TMPRSS11F: variants seen among roughly 807,000 people sequenced by gnomAD.
TMPRSS11F encodes the protein transmembrane serine protease 11F, also known as transmembrane protease serine 11F.
TMPRSS11F carries 47 observed loss-of-function variants against 60.2 expected under a neutral mutation model. That is an observed-to-expected ratio of 0.78 (90% CI 0.62 to 1.00). TMPRSS11F has a LOEUF of 1.00. Ranked by LOEUF, TMPRSS11F falls within the 50% of genes least tolerant of loss-of-function variation. TMPRSS11F has a pLI of 0.00. For synonymous variants in TMPRSS11F, 166 were observed against 167.3 expected, an observed-to-expected ratio of 0.99 and a Z score of 0.06; for missense variants, 519 against 522.9, an observed-to-expected ratio of 0.99 and a Z score of 0.07.
intron 3 of TMPRSS11F, chr4:68,080,277 G>A (rs1180427792): frequency 4.6e-5 from 7 of 152,206 alleles, no homozygotes; most frequent in African/African-American, 7.2e-5. Context: ...GTTATTGCTT[G>A]CAGTCACTGA....
At chr4:68,089,833 T>G (rs1318222793) in intron 3 of TMPRSS11F, among the ~76,000 whole-genome samples, 1 of 152,114 alleles carries the variant, frequency 6.6e-6, no homozygotes, top group Non-Finnish European at 1.5e-5. Flanking sequence ...TAGTGCTCTA[T>G]TTGGCCATTA....
intron 9 of TMPRSS11F, among the ~76,000 whole-genome samples, chr4:68,056,835 C>A (rs538445850): frequency 4.3e-4 from 66 of 152,170 alleles, no homozygotes; most frequent in Middle Eastern, 3.4e-3. Context: ...GGCATAATAA[C>A]AGATTCATCA....
Position 68,068,648 on chromosome 4 carries a change from C to T in TMPRSS11F, c.725G>A (p.Trp242Ter). The T allele has an allele frequency of 6.2e-7, 1 of 1,614,182 alleles. No homozygotes were observed. The highest frequency in any genetic ancestry group is 8.5e-7 in the Non-Finnish European group (1 of 1,180,034). ...AAAGCAGTGAGCTGCTGTGAGCAGC[C>T]ATGTGTTACTGATGAGGCTGGCTCC... is the stretch of plus-strand genomic sequence containing the variant. ...QCGASLISNT[W>*]LLTAAHCFWK... Residue 242 changes from tryptophan (W) to a stop codon, truncating the protein, a stop_gained, in exon 7 of 10, where the codon TGG (tryptophan) becomes TAG (stop). Coordinates refer to ENST00000356291, the MANE Select transcript of TMPRSS11F (RefSeq NM_207407.2). LOFTEE classifies it high-confidence loss of function.
intron 6 of TMPRSS11F, among the ~76,000 whole-genome samples, chr4:68,069,326 A>G (rs563872016): frequency 6.6e-6 from 1 of 152,298 alleles, no homozygotes; most frequent in South Asian, 2.1e-4. Context: ...AAGAGAATCA[A>G]TTTATTGTGT....
intron 8 of TMPRSS11F, among the ~76,000 whole-genome samples, chr4:68,064,222 T>C (rs1395020022): frequency 2.0e-5 from 3 of 151,606 alleles, no homozygotes; most frequent in Middle Eastern, 3.4e-3. Flanking sequence ...TCTAGCTCTG[T>C]CACCCAGGTA....
chr4:68,088,542 C>T (rs1368554351), intron 3 of TMPRSS11F, among the ~76,000 whole-genome samples: 1 of 151,964 alleles, frequency 6.6e-6, no homozygotes, highest in African/African-American at 2.4e-5. Flanking sequence ...ACCAAGCGGA[C>T]CTAACAGACA....
chr4:68,064,175 C>CTTT (rs1723269947), intron 8 of TMPRSS11F, among the ~76,000 whole-genome samples: 1 of 142,072 alleles, frequency 7.0e-6, no homozygotes. Context: ...TTCTTTCTTT[C>CTTT]TTTTCTTTTT....
intron 1 of TMPRSS11F, among the ~76,000 whole-genome samples, chr4:68,104,533 C>G (rs555967760): frequency 6.6e-6 from 1 of 152,190 alleles, no homozygotes; most frequent in African/African-American, 2.4e-5. Context: ...CATTGCCATG[C>G]GAAGGACATG....
In TMPRSS11F at chr4:68,107,313, G is replaced by A. The variant is rs1012825063; in HGVS notation, c.12-8275C>T. Among the ~76,000 whole-genome samples the A allele has an allele frequency of 8.5e-5, 13 of 152,146 alleles. 1 individual carries two copies. The highest frequency in any genetic ancestry group is 6.6e-4 in the Admixed American group (10 of 15,258). On this transcript the variant is annotated intron_variant, in intron 1 of 9. Transcript: ENST00000356291. ...TTTATGTGTCCCAATGGAAAAGATAGTTTGTGCAATAAACAAATCTATACA... is the reference window on the plus strand; with the variant it reads ...TTTATGTGTCCCAATGGAAAAGATAATTTGTGCAATAAACAAATCTATACA...
At chr4:68,126,130 A>G (rs1724708678) in intron 1 of TMPRSS11F, among the ~76,000 whole-genome samples, 1 of 152,150 alleles carries the variant, frequency 6.6e-6, no homozygotes. Flanking sequence ...TGTTATAAAC[A>G]CCATAAAAGT....
In TMPRSS11F at chr4:68,068,631, G is replaced by C; in HGVS notation, c.742C>G (p.His248Asp). The C allele has an allele frequency of 6.2e-7, 1 of 1,613,802 alleles. No homozygotes were observed. Among genetic ancestry groups the C allele is most frequent in the Non-Finnish European group, 8.5e-7 (1 of 1,179,724 alleles). Residue 248 changes from histidine (H) to aspartate (D), a missense_variant, in exon 7 of 10, where the codon CAC becomes GAC. Coordinates refer to ENST00000356291, the MANE Select transcript of TMPRSS11F (RefSeq NM_207407.2). ...ISNTWLLTAA[H>D]CFWKNKDPTQ... ...TGGTTAACTTACTTCCAAAAGCAGT[G>C]AGCTGCTGTGAGCAGCCATGTGTTA...
At chr4:68,062,017 G>A (rs769084339) in intron 8 of TMPRSS11F, 3 of 453,306 alleles carry the variant, frequency 6.6e-6, no homozygotes, top group Non-Finnish European at 1.3e-5. Context: ...AAAGGAACAT[G>A]TCTGAAATAA....
intron 9 of TMPRSS11F, 29 bp downstream of exon 9, chr4:68,059,297 T>C: frequency 6.2e-7 from 1 of 1,608,108 alleles, no homozygotes; most frequent in Non-Finnish European, 8.5e-7. Flanking sequence ...ACTTTCCTCA[T>C]AAACTTTTGG....
chr4:68,096,796 G>A (rs966828), intron 2 of TMPRSS11F, among the ~76,000 whole-genome samples: 145,284 of 152,220 alleles, frequency 0.95, 69,723 homozygotes, highest in East Asian at 1. Flanking sequence ...TATGTCTGCT[G>A]AAATCCTTAT....
At chr4:68,098,017 G>A (rs1278832713) in intron 2 of TMPRSS11F, among the ~76,000 whole-genome samples, 1 of 152,082 alleles carries the variant, frequency 6.6e-6, no homozygotes, top group Non-Finnish European at 1.5e-5. Flanking sequence ...TAAAAATGCA[G>A]AAATCGGCGG....
chr4:68,100,472 C>T (rs1724169554), intron 1 of TMPRSS11F, among the ~76,000 whole-genome samples: 1 of 152,028 alleles, frequency 6.6e-6, no homozygotes, highest in Admixed American at 6.6e-5. Flanking sequence ...TGAACTGAGG[C>T]TATGGAATGG....
At chr4:68,105,971 C>T (rs140019118) in intron 1 of TMPRSS11F, among the ~76,000 whole-genome samples, 91 of 151,982 alleles carry the variant, frequency 6.0e-4, no homozygotes, top group African/African-American at 2.0e-3. Flanking sequence ...AAAATAAAAC[C>T]GATACATCTG....
intron 1 of TMPRSS11F, among the ~76,000 whole-genome samples, chr4:68,106,879 A>C (rs913527520): frequency 2.0e-5 from 3 of 152,174 alleles, no homozygotes; most frequent in African/African-American, 7.2e-5. Flanking sequence ...TTCTTTGAAA[A>C]CATTTTTTAG....
chr4:68,084,113 A>G (rs1723759319), intron 3 of TMPRSS11F, among the ~76,000 whole-genome samples: 1 of 152,188 alleles, frequency 6.6e-6, no homozygotes, highest in Admixed American at 6.5e-5. Context: ...TTAGGCAAAA[A>G]TAAAGAAAAA....
Sources: allele counts gnomAD v4.1 joint callset (sites outside exome capture counted in the v4.1 genomes callset), GRCh38; gene constraint gnomAD v4.1.1; transcripts MANE v1.5; gene names NCBI Gene and HGNC (gene_info 2026-07-23, HGNC 2026-07-21).